The following PDE12 variants were observed in gnomAD, a reference collection of about 807,000 sequenced individuals.
The protein encoded by PDE12 is 2',5'-phosphodiesterase 12.
A neutral mutation model predicts 45.4 loss-of-function variants in PDE12; 26 were observed. The observed-to-expected ratio is 0.57, with a 90% CI of 0.42 to 0.79. The LOEUF (loss-of-function observed/expected upper bound fraction) is 0.79, where lower values mean the gene tolerates loss of function less well. Ranked by LOEUF, PDE12 falls within the 30% of genes least tolerant of loss-of-function variation. The pLI is 0.00. For missense variants in PDE12, 668 were observed against 790.0 expected (o/e 0.85, Z 1.85); for synonymous variants, 283 against 323.9 (o/e 0.87, Z 1.36).
At chr3:57,613,817 C>T in the PDE12 span, among the ~76,000 whole-genome samples, 2 of 140,884 alleles carry the variant, frequency 1.4e-5, no homozygotes, top group African/African-American at 5.3e-5. Flanking sequence ...AGGAGAATGG[C>T]GTGAACCTGG....
At chr3:57,605,204 G>A in the PDE12 span, among the ~76,000 whole-genome samples, 4 of 152,138 alleles carry the variant, frequency 2.6e-5, no homozygotes, top group Admixed American at 1.3e-4. Context: ...GCCTGGTGGA[G>A]TCTTTGAGCC....
Position 57,556,524 on chromosome 3 carries a change from C to T in PDE12, c.145C>T (p.Leu49=). 4 of 1,613,544 alleles carry T rather than the reference C, an allele frequency of 2.5e-6. No homozygotes were observed. Among genetic ancestry groups the T allele is most frequent in the Non-Finnish European group, 3.4e-6 (4 of 1,179,984 alleles). ...VVRCVPSEPK[L]SLSFALADGS... ...GCGCTGCGTACCTTCGGAACCCAAG[C>T]TGAGCCTGTCATTCGCTTTGGCTGA... Residue 49 remains leucine, a synonymous_variant, in exon 1 of 3, where the codon CTG becomes TTG. Transcript: ENST00000311180. This position sits in a 1 kb window ranked among gnomAD's most constrained non-coding sequence, Gnocchi z 5.0.
rs749185496 is a variant in PDE12, at chr3:57,559,972, A to G, written c.1798A>G (p.Ile600Val). ...LPSVSHPSDH[I>V]ALVCDLKWK ...TAGTGTTTCCCATCCCTCTGATCAC[A>G]TAGCACTTGTATGTGATTTAAAATG... Residue 600 changes from isoleucine to valine, a missense_variant, in exon 3 of 3, where the codon ATA (isoleucine) becomes GTA (valine). By Grantham distance (29) the Ile-to-Val change is conservative (BLOSUM62 3). Transcript: ENST00000311180. 17 of 1,611,038 alleles carry G rather than the reference A, an allele frequency of 1.1e-5. No individual in the cohort carries two copies. The highest frequency in any genetic ancestry group is 1.4e-5 in the Non-Finnish European group (16 of 1,179,602).
At chr3:57,592,365 G>A in the PDE12 span, among the ~76,000 whole-genome samples, 5 of 152,188 alleles carry the variant, frequency 3.3e-5, no homozygotes, top group East Asian at 7.7e-4. Context: ...GAGGGGGCCT[G>A]TAATCCCAGC....
the PDE12 span, chr3:57,630,535 C>A: frequency 6.3e-7 from 1 of 1,582,646 alleles, no homozygotes; most frequent in Non-Finnish European, 8.5e-7. Context: ...TATAAAAATA[C>A]ATTTTAAAAA....
At chr3:57,608,369 T>A in the PDE12 span, among the ~76,000 whole-genome samples, 1 of 152,040 alleles carries the variant, frequency 6.6e-6, no homozygotes, top group African/African-American at 2.4e-5. Context: ...AATGACAGGA[T>A]CAAATTCACA....
the PDE12 span, among the ~76,000 whole-genome samples, chr3:57,582,684 G>A: frequency 2.6e-5 from 4 of 152,134 alleles, no homozygotes; most frequent in Admixed American, 6.6e-5. Context: ...TGTTTTAAGA[G>A]GCTGATAACA....
In PDE12 at chr3:57,561,851, A is replaced by T; in HGVS notation, c.*1847A>T. 2 of 985,364 alleles carry T rather than the reference A, an allele frequency of 2.0e-6. No homozygotes were observed. The highest frequency in any genetic ancestry group is 2.4e-6 in the Non-Finnish European group (2 of 829,848). 61.0% of individuals were successfully genotyped at this position (985,364 alleles called of 1,614,324 possible). A position where few individuals can be genotyped will look rare whatever the true frequency, so the allele number is the denominator to read the frequency against. ...AATGAAGGGGTTTTATCTGCATTTG[A>T]CATTGAACCTTGAAGTACTTTAAGT... On this transcript the variant is annotated 3_prime_UTR_variant, in exon 3 of 3. Coordinates refer to ENST00000311180, the MANE Select transcript of PDE12 (RefSeq NM_177966.7).
chr3:57,590,335 A>C, the PDE12 span, among the ~76,000 whole-genome samples: 615 of 150,648 alleles, frequency 4.1e-3, 1 homozygote, highest in Middle Eastern at 7.0e-3. Context: ...AAAATACAAA[A>C]ATTAGCCGGG....
At chr3:57,624,641 G>A in the PDE12 span, among the ~76,000 whole-genome samples, 1 of 151,542 alleles carries the variant, frequency 6.6e-6, no homozygotes, top group South Asian at 2.1e-4. Flanking sequence ...GCACATACTT[G>A]TAATCCCAGC....
Position 57,561,227 on chromosome 3 carries a change from A to G in PDE12, c.*1223A>G. 3.0e-6 allele frequency: 3 copies of G among 985,062 alleles called. No individual in the cohort carries two copies. Among genetic ancestry groups the G allele is most frequent in the Non-Finnish European group, 3.6e-6 (3 of 829,240 alleles). The allele number at this position is 985,062 out of a possible 1,614,324, so 61.0% of individuals were successfully genotyped here. A position where few individuals can be genotyped will look rare whatever the true frequency, so the allele number is the denominator to read the frequency against. On this transcript the variant is annotated 3_prime_UTR_variant, in exon 3 of 3. Transcript: ENST00000311180. ...AAATACAGCACATTACTTTATGAGAAACTACCTACTGATATGGGCTTGAAA... is the reference window on the plus strand; with the variant it reads ...AAATACAGCACATTACTTTATGAGAGACTACCTACTGATATGGGCTTGAAA...
chr3:57,623,601 C>G, the PDE12 span, among the ~76,000 whole-genome samples: 1 of 152,132 alleles, frequency 6.6e-6, no homozygotes, highest in Non-Finnish European at 1.5e-5. Context: ...ATAGCTTGAA[C>G]CTGGGAGGTG....
At chr3:57,606,374 G>C in the PDE12 span, among the ~76,000 whole-genome samples, 12 of 152,214 alleles carry the variant, frequency 7.9e-5, no homozygotes, top group Admixed American at 2.6e-4. Context: ...AGAAATCTAT[G>C]TCCAGCAAAA....
the PDE12 span, among the ~76,000 whole-genome samples, chr3:57,610,198 A>G: frequency 3.3e-4 from 50 of 152,308 alleles, 3 homozygotes; most frequent in South Asian, 1.0e-2. Context: ...TTCATGCTAA[A>G]AACTCTTAAT....
the PDE12 span, among the ~76,000 whole-genome samples, chr3:57,580,363 C>A: frequency 6.6e-6 from 1 of 152,052 alleles, no homozygotes; most frequent in Non-Finnish European, 1.5e-5. Context: ...ATTTCAAAAG[C>A]TACTCCTTTT....
the PDE12 span, among the ~76,000 whole-genome samples, chr3:57,579,695 T>G: frequency 6.6e-6 from 1 of 152,218 alleles, no homozygotes; most frequent in Non-Finnish European, 1.5e-5. Flanking sequence ...TTCCTTTGTT[T>G]TAGCAAATTG....
chr3:57,584,103 TTC>T, the PDE12 span: 5 of 850,466 alleles, frequency 5.9e-6, no homozygotes, highest in African/African-American at 7.0e-5. Flanking sequence ...TTTAAAGTAC[TTC>T]TTTTTATTTT....
At chr3:57,640,675 C>T in the PDE12 span, among the ~76,000 whole-genome samples, 2 of 152,126 alleles carry the variant, frequency 1.3e-5, no homozygotes, top group Non-Finnish European at 2.9e-5. Context: ...ATTGTCATGT[C>T]GGAGAGATGT....
At chr3:57,584,694 A>G in the PDE12 span, among the ~76,000 whole-genome samples, 51 of 152,176 alleles carry the variant, frequency 3.4e-4, no homozygotes, top group African/African-American at 1.2e-3. Context: ...GTAAAAGGTA[A>G]CAAGTATGTA....
Sources: allele counts gnomAD v4.1 joint callset (sites outside exome capture counted in the v4.1 genomes callset), GRCh38; gene constraint gnomAD v4.1.1; non-coding constraint Gnocchi (gnomAD v3.1); transcripts MANE v1.5; gene names NCBI Gene and HGNC (gene_info 2026-07-23, HGNC 2026-07-21).